Variants in TESMIN observed in about 807,000 individuals in gnomAD.
TESMIN encodes the protein CXC domain containing 2.
TESMIN carries 34 observed loss-of-function variants against 47.4 expected under a neutral mutation model. That is an observed-to-expected ratio of 0.72 (90% confidence interval 0.55 to 0.96). The LOEUF (loss-of-function observed/expected upper bound fraction) is 0.96, where lower values mean the gene tolerates loss of function less well. Among genes scored for constraint, TESMIN ranks in the 40% least tolerant of loss-of-function variants. TESMIN has a pLI of 0.00. For synonymous variants in TESMIN, 278 were observed against 258.9 expected (o/e 1.07, Z -0.71); for missense variants, 610 against 637.2 (o/e 0.96, Z 0.46).
intron 3 of TESMIN, among the ~76,000 whole-genome samples, chr11:68,746,702 A>G (rs1222767634): frequency 6.6e-6 from 1 of 152,194 alleles, no homozygotes; most frequent in African/African-American, 2.4e-5. Flanking sequence ...CTTACCCATA[A>G]AGTGGGGATA....
At chr11:68,746,155 G>A (rs1946517462) in intron 3 of TESMIN, among the ~76,000 whole-genome samples, 1 of 141,080 alleles carries the variant, frequency 7.1e-6, no homozygotes, top group African/African-American at 2.6e-5. Context: ...TGTATTTGGA[G>A]GATAAAGTTA....
intron 9 of TESMIN, chr11:68,710,618 C>T (rs1262697500): frequency 1.8e-5 from 8 of 437,444 alleles, no homozygotes; most frequent in Non-Finnish European, 3.2e-5. Context: ...TTGTCTGGTA[C>T]AAAACGGGAG....
chr11:68,708,636 C>T, intron 9 of TESMIN, 136 bp from the exon 10 acceptor site: 1 of 865,132 alleles, frequency 1.2e-6, no homozygotes, highest in Non-Finnish European at 1.7e-6. Flanking sequence ...CGTTGTCTTC[C>T]TCATACTGGA....
At chr11:68,737,149 T>A in intron 6 of TESMIN, 3 of 985,402 alleles carry the variant, frequency 3.0e-6, no homozygotes, top group Non-Finnish European at 3.6e-6. Flanking sequence ...GTAGCTGAAG[T>A]CATTTTTGTT....
chr11:68,741,606 A>T (rs1255984463), intron 5 of TESMIN, among the ~76,000 whole-genome samples: 1 of 152,184 alleles, frequency 6.6e-6, no homozygotes, highest in African/African-American at 2.4e-5. Context: ...TACCTCACAG[A>T]TCAGTGCCTG....
At chr11:68,717,693 TC>T (rs1438480390) in intron 6 of TESMIN, among the ~76,000 whole-genome samples, 1 of 152,038 alleles carries the variant, frequency 6.6e-6, no homozygotes, top group Non-Finnish European at 1.5e-5. Flanking sequence ...ACCAGGTTCC[TC>T]CAAGGGAGAG....
intron 7 of TESMIN, 74 bp from the exon 8 acceptor site, chr11:68,713,481 T>C (rs1946097711): frequency 1.3e-6 from 2 of 1,522,748 alleles, no homozygotes; most frequent in Non-Finnish European, 1.8e-6. Context: ...GGCATCTCAT[T>C]TGAATCTGAT....
intron 6 of TESMIN, among the ~76,000 whole-genome samples, chr11:68,722,346 G>C (rs967317674): frequency 6.6e-6 from 1 of 152,164 alleles, no homozygotes; most frequent in African/African-American, 2.4e-5. Context: ...AGTGATGGTG[G>C]TTGCGCAACA....
Position 68,715,915 on chromosome 11 carries a change from C to T in TESMIN, c.942G>A (p.Gly314=), listed in dbSNP as rs987481802. 6.2e-7 allele frequency: 1 copy of T among 1,612,648 alleles called. No homozygotes were observed. The change falls in exon 7 of 10, where the codon GGG becomes GGA. Residue 314 remains glycine, a synonymous_variant. Coordinates refer to ENST00000255087, the MANE Select transcript of TESMIN (RefSeq NM_004923.3). ...LAGYCDCFAS[G]DFCNNCNCNN... is the part of the protein sequence containing the mutation. ...TACAATTGCAGTTGTTGCAAAAGTCCCCACTGGCAAAGCAGTCACAGTACC... is the reference window on the plus strand; with the variant it reads ...TACAATTGCAGTTGTTGCAAAAGTCTCCACTGGCAAAGCAGTCACAGTACC...
chr11:68,731,259 C>G (rs763888557), intron 6 of TESMIN, among the ~76,000 whole-genome samples: 6 of 152,078 alleles, frequency 3.9e-5, no homozygotes, highest in Admixed American at 1.3e-4. Flanking sequence ...CATGCCATCG[C>G]TAAAAACAAA....
chr11:68,727,935 C>T (rs975821046), intron 6 of TESMIN, among the ~76,000 whole-genome samples: 3 of 152,300 alleles, frequency 2.0e-5, no homozygotes, highest in Non-Finnish European at 2.9e-5. Flanking sequence ...TGGAGTACCA[C>T]GAGCCATGTC....
At chr11:68,744,868 C>T (rs868772662) in intron 4 of TESMIN, 123 bp downstream of exon 4, 14 of 753,472 alleles carry the variant, frequency 1.9e-5, no homozygotes, top group East Asian at 5.8e-5. Context: ...ATATGGACTA[C>T]GAGGTTTGCC....
At chr11:68,737,113 G>A (rs1231437144) in intron 6 of TESMIN, 6 of 985,412 alleles carry the variant, frequency 6.1e-6, no homozygotes, top group Non-Finnish European at 7.2e-6. Context: ...AGATCATCCT[G>A]TGTAATGTAT....
intron 7 of TESMIN, 49 bp downstream of exon 7, chr11:68,715,788 A>T: frequency 7.5e-7 from 1 of 1,328,868 alleles, no homozygotes; most frequent in Non-Finnish European, 1.1e-6. Context: ...AACATCTCAA[A>T]CAGTTTGAAA....
At chr11:68,737,379 G>A (rs1414427704) in intron 6 of TESMIN, 9 of 985,394 alleles carry the variant, frequency 9.1e-6, no homozygotes, top group Admixed American at 6.1e-5. Context: ...AGCAACCAAC[G>A]CCCTTCAGCG....
rs375535807 is a variant in TESMIN at position 68,734,586 on chromosome 11, G to T, written c.917+4114C>A. 3.3e-5 allele frequency among the ~76,000 whole-genome samples: 5 copies of T among 152,308 alleles called. No homozygotes were observed. In the East Asian group the frequency reaches 9.6e-4, roughly 29 times the overall value. On this transcript the variant is annotated intron_variant, in intron 6 of 9. Coordinates refer to ENST00000255087, the MANE Select transcript of TESMIN (RefSeq NM_004923.3). ...TGACAGGGCTGTCCCTGTGCCCAGT[G>T]GGGGCATGCATCTCTGTCAGTGTGC...
At chr11:68,739,291 C>A (rs1946429308) in intron 5 of TESMIN, among the ~76,000 whole-genome samples, 1 of 152,162 alleles carries the variant, frequency 6.6e-6, no homozygotes, top group Admixed American at 6.5e-5. Context: ...CTGCATTGTC[C>A]ATGTTCTTTG....
At chr11:68,719,636 T>C (rs1946181892) in intron 6 of TESMIN, among the ~76,000 whole-genome samples, 1 of 152,212 alleles carries the variant, frequency 6.6e-6, no homozygotes, top group Non-Finnish European at 1.5e-5. Flanking sequence ...TAAGGAACAA[T>C]TGTCAGGGTA....
At chr11:68,738,641 A>T (rs905418607) in intron 6 of TESMIN, 59 bp downstream of exon 6, 2 of 1,606,748 alleles carry the variant, frequency 1.2e-6, no homozygotes, top group African/African-American at 1.3e-5. Flanking sequence ...TCGTGAACGT[A>T]TCCAAGAGTC....
Sources: allele counts gnomAD v4.1 joint callset (sites outside exome capture counted in the v4.1 genomes callset), GRCh38; gene constraint gnomAD v4.1.1; transcripts MANE v1.5; gene names NCBI Gene and HGNC (gene_info 2026-07-23, HGNC 2026-07-21).